PRKCA: variants seen among roughly 807,000 people sequenced by gnomAD.
PRKCA encodes the protein protein kinase C alpha type.
Under a neutral mutation model 87.0 loss-of-function variants are expected in PRKCA, and 27 were observed. That is an observed-to-expected ratio of 0.31 (90% CI 0.23 to 0.43). The LOEUF is 0.43. PRKCA is among the 20% of genes least tolerant of loss of function. The pLI is 1.00. For missense variants in PRKCA, 518 were observed against 852.3 expected (o/e 0.61, Z 4.88); for synonymous variants, 329 against 311.1 (o/e 1.06, Z -0.61).
At chr17:66,717,809 G>A (rs2144148556) in intron 8 of PRKCA, among the ~76,000 whole-genome samples, 1 of 152,340 alleles carries the variant, frequency 6.6e-6, no homozygotes, top group East Asian at 1.9e-4. Flanking sequence ...TTCTGTGGCT[G>A]ACAGTCTGTG....
chr17:66,349,032 A>C (rs554030561), intron 2 of PRKCA, among the ~76,000 whole-genome samples: 55 of 152,278 alleles, frequency 3.6e-4, no homozygotes, highest in African/African-American at 1.2e-3. Flanking sequence ...AGCTTCAGTA[A>C]TTTCTCTTAC....
intron 13 of PRKCA, among the ~76,000 whole-genome samples, chr17:66,772,045 G>A (rs370788287): frequency 6.6e-6 from 1 of 152,098 alleles, no homozygotes; most frequent in African/African-American, 2.4e-5. Context: ...TTGGTATCAG[G>A]GAGATAAATT....
intron 3 of PRKCA, among the ~76,000 whole-genome samples, chr17:66,510,019 T>A (rs1270299164): frequency 6.6e-6 from 1 of 152,228 alleles, no homozygotes; most frequent in Non-Finnish European, 1.5e-5. Context: ...GGTTCTGTTT[T>A]GTTTTGTTTG....
chr17:66,305,596 A>G (rs1258037461), intron 1 of PRKCA, among the ~76,000 whole-genome samples: 1 of 152,262 alleles, frequency 6.6e-6, no homozygotes, highest in African/African-American at 2.4e-5. Context: ...TTCTTAAGCC[A>G]ACATTAAATG....
intron 2 of PRKCA, among the ~76,000 whole-genome samples, chr17:66,407,273 G>C (rs985403208): frequency 6.6e-6 from 1 of 151,966 alleles, no homozygotes; most frequent in South Asian, 2.1e-4. Flanking sequence ...CAGATCATGG[G>C]GGCGGATCCT....
intron 2 of PRKCA, among the ~76,000 whole-genome samples, chr17:66,338,533 A>G (rs920741975): frequency 6.6e-6 from 1 of 151,874 alleles, no homozygotes; most frequent in Non-Finnish European, 1.5e-5. Context: ...TCATTATGCA[A>G]CTCTTCAATA....
chr17:66,357,284 T>C (rs1908119472), intron 2 of PRKCA, among the ~76,000 whole-genome samples: 1 of 152,174 alleles, frequency 6.6e-6, no homozygotes, highest in Non-Finnish European at 1.5e-5. Flanking sequence ...AGCTGTGGTC[T>C]AAGTCACACT....
chr17:66,769,518 A>G (rs8076355), intron 13 of PRKCA, among the ~76,000 whole-genome samples: 82,726 of 152,022 alleles, frequency 0.54, 23,066 homozygotes, highest in African/African-American at 0.66. Context: ...TTATCCTTTA[A>G]CATTCTAGTC....
chr17:66,474,461 C>T (rs912297668), intron 2 of PRKCA, among the ~76,000 whole-genome samples: 2 of 152,166 alleles, frequency 1.3e-5, no homozygotes, highest in Non-Finnish European at 2.9e-5. Context: ...TGGAAAAGCA[C>T]ACTTTTAAGC....
chr17:66,744,748 C>T (rs1291566144), intron 13 of PRKCA, among the ~76,000 whole-genome samples: 2 of 152,196 alleles, frequency 1.3e-5, no homozygotes, highest in East Asian at 1.9e-4. Flanking sequence ...CATGTGGTTC[C>T]GGAGATCAGA....
intron 3 of PRKCA, among the ~76,000 whole-genome samples, chr17:66,633,058 A>G (rs762730389): frequency 6.6e-6 from 1 of 152,344 alleles, no homozygotes; most frequent in African/African-American, 2.4e-5. Context: ...TTTCTTAGAA[A>G]AGGAAACATC....
At chr17:66,308,713 G>A (rs938390080) in intron 2 of PRKCA, among the ~76,000 whole-genome samples, 73 of 152,042 alleles carry the variant, frequency 4.8e-4, no homozygotes, top group African/African-American at 1.7e-3. Flanking sequence ...CTAGTCCATT[G>A]TATTTTATTG....
chr17:66,359,808 T>C (rs1163736456), intron 2 of PRKCA, among the ~76,000 whole-genome samples: 1 of 152,226 alleles, frequency 6.6e-6, no homozygotes, highest in East Asian at 1.9e-4. Flanking sequence ...ATATTTATAG[T>C]AGGCATAAAC....
At chr17:66,464,767 C>CT (rs1915010779) in intron 2 of PRKCA, among the ~76,000 whole-genome samples, 1 of 152,018 alleles carries the variant, frequency 6.6e-6, no homozygotes, top group South Asian at 2.1e-4. Context: ...TATAATACTT[C>CT]TTTATCAGAT....
At chr17:66,478,632 T>C (rs1567849607) in intron 2 of PRKCA, among the ~76,000 whole-genome samples, 1 of 152,166 alleles carries the variant, frequency 6.6e-6, no homozygotes, top group Non-Finnish European at 1.5e-5. Flanking sequence ...TTATGAACAT[T>C]GCTCTAAAGT....
chr17:66,672,321 A>G (rs1972210619), intron 5 of PRKCA, among the ~76,000 whole-genome samples: 1 of 152,216 alleles, frequency 6.6e-6, no homozygotes, highest in Non-Finnish European at 1.5e-5. Context: ...TCAGGCAGAA[A>G]TAAATACAAA....
intron 2 of PRKCA, among the ~76,000 whole-genome samples, chr17:66,383,630 A>G (rs1490483328): frequency 6.6e-6 from 1 of 152,166 alleles, no homozygotes; most frequent in Non-Finnish European, 1.5e-5. Context: ...GATAGTTTCA[A>G]CTTTCTTGGA....
At chr17:66,382,782 C>T (rs1281769417) in intron 2 of PRKCA, among the ~76,000 whole-genome samples, 3 of 151,946 alleles carry the variant, frequency 2.0e-5, no homozygotes, top group Non-Finnish European at 2.9e-5. Flanking sequence ...CTGCTACTGG[C>T]GTCTAGTGGG....
chr17:66,716,047 G>C (rs1194658725), intron 8 of PRKCA, among the ~76,000 whole-genome samples: 1 of 152,144 alleles, frequency 6.6e-6, no homozygotes, highest in Non-Finnish European at 1.5e-5. Flanking sequence ...GGCTTTAGAG[G>C]ATCTTCAGTG....
Sources: gnomAD v4.1 joint callset for allele counts (sites outside exome capture counted in the v4.1 genomes callset) on GRCh38, gnomAD v4.1.1 for gene constraint, MANE v1.5 for transcripts, NCBI Gene and HGNC (gene_info 2026-07-23, HGNC 2026-07-21) for gene names.